The following DST variants were observed in gnomAD, a reference collection of about 807,000 sequenced individuals.
DST encodes the protein dystonin, also known as bullous pemphigoid antigen.
In DST, 253 loss-of-function variants were observed where a neutral mutation model predicts 875.2. The observed-to-expected ratio is 0.29, with a 90% confidence interval of 0.26 to 0.32. The LOEUF is 0.32. Among genes scored for constraint, DST ranks in the 10% least tolerant of loss-of-function variants. DST has a pLI of 1.00. For missense variants in DST, 8,287 were observed against 9,111.6 expected (o/e 0.91, Z 3.68); for synonymous variants, 3,124 against 3,197.1 (o/e 0.98, Z 0.77).
At chr6:56,807,384 T>C (rs115849704) in intron 4 of DST, among the ~76,000 whole-genome samples, 1,567 of 152,294 alleles carry the variant, frequency 0.01, 20 homozygotes, top group African/African-American at 0.036. Flanking sequence ...AACATTTTTA[T>C]AGAAACTGAT....
At chr6:56,904,194 T>C (rs544052272) in intron 2 of DST, among the ~76,000 whole-genome samples, 8 of 152,370 alleles carry the variant, frequency 5.3e-5, no homozygotes, top group African/African-American at 1.4e-4. Context: ...TTATTCATAC[T>C]ATCTAAAAAA....
intron 4 of DST, among the ~76,000 whole-genome samples, chr6:56,776,159 CCATA>C (rs1275699088): frequency 1.3e-5 from 2 of 152,034 alleles, no homozygotes; most frequent in Non-Finnish European, 2.9e-5. Flanking sequence ...TTGCAAAGAC[CCATA>C]ACCTCAATCT....
chr6:56,771,934 T>C (rs929052968), intron 4 of DST, among the ~76,000 whole-genome samples: 18 of 152,200 alleles, frequency 1.2e-4, no homozygotes, highest in African/African-American at 4.1e-4. Context: ...GACATGTACT[T>C]TGGCCTCTAA....
At chr6:56,612,471 T>C (rs778962730) in intron 37 of DST, among the ~76,000 whole-genome samples, 2 of 152,234 alleles carry the variant, frequency 1.3e-5, no homozygotes, top group East Asian at 1.9e-4. Context: ...AGAAATAAAA[T>C]TGATCTGTTT....
chr6:56,817,860 T>C (rs2099768412), intron 4 of DST, among the ~76,000 whole-genome samples: 1 of 152,120 alleles, frequency 6.6e-6, no homozygotes, highest in African/African-American at 2.4e-5. Flanking sequence ...AAGTGGCAAA[T>C]GGGACTTTGC....
At chr6:56,559,285 T>C (rs767797248) in intron 58 of DST, among the ~76,000 whole-genome samples, 1 of 152,094 alleles carries the variant, frequency 6.6e-6, no homozygotes, top group Non-Finnish European at 1.5e-5. Context: ...AATGTCTTGC[T>C]AATACTCTCC....
chr6:56,506,268 A>G (rs1370291370), intron 77 of DST, among the ~76,000 whole-genome samples, 175 bp downstream of exon 77: 1 of 152,252 alleles, frequency 6.6e-6, no homozygotes, highest in Non-Finnish European at 1.5e-5. Flanking sequence ...CTGAAAGGTC[A>G]GAAATATCTT....
At position 56,648,782 on chromosome 6, in the gene DST, T is replaced by C. The variant is rs1373756085; in HGVS notation, c.1435-93A>G. The stretch of plus-strand genomic sequence containing the variant: ...AGTCAGAAGTCATTCTGTAAATGTA[T>C]GTATTTGAAGCCTGACAGACAGAAC... On this transcript the variant is annotated intron_variant, in intron 12 of 103. Transcript: ENST00000680361. The C allele has an allele frequency of 4.9e-5, 54 of 1,104,194 alleles. No individual in the cohort carries two copies. The East Asian group carries it at 1.3e-3, about 27-fold the overall frequency. 68.4% of individuals were successfully genotyped at this position (1,104,194 alleles called of 1,614,324 possible). A position where few individuals can be genotyped will look rare whatever the true frequency, so the allele number is the denominator to read the frequency against.
In DST at chr6:56,605,784, T is replaced by G. The variant is rs759443258; in HGVS notation, c.8844A>C (p.Ser2948=). 5 of 1,612,706 alleles carry G rather than the reference T, an allele frequency of 3.1e-6. No individual in the cohort carries two copies. The Admixed American group carries it at 8.4e-5, about 27-fold the overall frequency. Residue 2948 remains serine, a synonymous_variant, in exon 40 of 104, where the codon TCA becomes TCC. Transcript: ENST00000680361. ...CTAGATCAGTACCTAATTCAGAAGT[T>G]GAACTGATATTATTATTATCATGTG... ...SISHDNNNIS[S]TSELGTDLAN...
At chr6:56,738,859 G>A (rs183274273) in intron 4 of DST, among the ~76,000 whole-genome samples, 9 of 151,796 alleles carry the variant, frequency 5.9e-5, no homozygotes, top group Admixed American at 2.0e-4. Context: ...CTAAGCTCAC[G>A]CCATCCACCT....
intron 4 of DST, among the ~76,000 whole-genome samples, chr6:56,777,075 T>G (rs2099680578): frequency 6.6e-6 from 1 of 151,316 alleles, no homozygotes; most frequent in Non-Finnish European, 1.5e-5. Context: ...ATACTGCTCA[T>G]CTTCATGCAG....
At chr6:56,824,856 C>G (rs992597046) in intron 4 of DST, among the ~76,000 whole-genome samples, 12 of 151,878 alleles carry the variant, frequency 7.9e-5, no homozygotes, top group Admixed American at 6.5e-4. Context: ...CCCGCAGCCA[C>G]CCCGTCCGGG....
At chr6:56,703,602 CG>C in intron 7 of DST, 45 bp downstream of exon 7, 1 of 776,292 alleles carries the variant, frequency 1.3e-6, no homozygotes, top group South Asian at 5.8e-5. Context: ...TAGCGCTCAC[CG>C]CATGGGAACG....
chr6:56,636,314 G>T (rs1426865490), intron 23 of DST, among the ~76,000 whole-genome samples: 1 of 149,056 alleles, frequency 6.7e-6, no homozygotes, highest in Non-Finnish European at 1.5e-5. Context: ...ATATAACAGT[G>T]TGTGTATATA....
chr6:56,482,967 T>A, intron 88 of DST, 90 bp from the exon 89 acceptor site: 1 of 958,380 alleles, frequency 1.0e-6, no homozygotes, highest in South Asian at 3.1e-5. Context: ...GCACATAACA[T>A]CATGTAAAGA....
Position 56,608,073 on chromosome 6 carries a change from T to C in DST, c.6555A>G (p.Gly2185=). The C allele has an allele frequency of 6.2e-7, 1 of 1,613,588 alleles. No homozygotes were observed. Among genetic ancestry groups the C allele is most frequent in the Non-Finnish European group, 8.5e-7 (1 of 1,179,714 alleles). ...DYRQEEDVFD[G]EEPVTTQTSE... ...AGGTCTGAGTAGTGACAGGTTCTTC[T>C]CCATCAAAAACATCCTCTTCTTGTC... The change falls in exon 40 of 104, where the codon GGA becomes GGG. Residue 2185 remains glycine (G), a synonymous_variant. Transcript: ENST00000680361.
At chr6:56,851,328 CA>C (rs1765124219) in intron 4 of DST, 68 bp downstream of exon 4, 1 of 1,442,558 alleles carries the variant, frequency 6.9e-7, no homozygotes, top group Non-Finnish European at 9.5e-7. Flanking sequence ...TATGGCCCCC[CA>C]GGAGGTAGAT....
intron 9 of DST, among the ~76,000 whole-genome samples, chr6:56,676,878 G>A (rs539268937): frequency 3.9e-5 from 6 of 152,194 alleles, no homozygotes; most frequent in Admixed American, 1.3e-4. Context: ...CAGAGGCTGC[G>A]GGGTGGTTGG....
intron 83 of DST, 52 bp downstream of exon 83, chr6:56,493,958 A>G (rs2152443920): frequency 7.1e-7 from 1 of 1,406,956 alleles, no homozygotes; most frequent in East Asian, 2.4e-5. Flanking sequence ...GCCAAGTCCA[A>G]GACATGAAAC....
Sources: allele counts gnomAD v4.1 joint callset (sites outside exome capture counted in the v4.1 genomes callset), GRCh38; gene constraint gnomAD v4.1.1; transcripts MANE v1.5; gene names NCBI Gene and HGNC (gene_info 2026-07-23, HGNC 2026-07-21).